SGCZ: variants seen among roughly 807,000 people sequenced by gnomAD.
SGCZ encodes zeta-sarcoglycan.
SGCZ carries 40 observed loss-of-function variants against 41.3 expected under a neutral mutation model. The ratio of observed to expected loss-of-function variants is 0.97; its 90% CI spans 0.75 to 1.26. SGCZ has a LOEUF of 1.26. SGCZ is among the 50% of genes most tolerant of loss of function. The pLI, the probability that SGCZ is intolerant of heterozygous loss-of-function variation, is 0.00. For synonymous variants in SGCZ, 206 were observed against 137.5 expected (o/e 1.50, Z -3.49); for missense variants, 552 against 369.8 (o/e 1.49, Z -4.04).
intron 1 of SGCZ, among the ~76,000 whole-genome samples, chr8:14,590,813 T>C (rs891769419): frequency 6.7e-6 from 1 of 148,166 alleles, no homozygotes; most frequent in African/African-American, 2.4e-5. Flanking sequence ...GAATATATGA[T>C]ATATAATATA....
intron 1 of SGCZ, among the ~76,000 whole-genome samples, chr8:15,031,057 C>A (rs1483423882): frequency 6.6e-6 from 1 of 151,948 alleles, no homozygotes; most frequent in Admixed American, 6.6e-5. Flanking sequence ...ATTCTCAAAT[C>A]ATATTTCGCG....
At chr8:14,326,056 G>A (rs1198112038) in intron 2 of SGCZ, among the ~76,000 whole-genome samples, 2 of 120,660 alleles carry the variant, frequency 1.7e-5, no homozygotes, top group East Asian at 5.8e-4. Context: ...AGCCACAAAT[G>A]AGCCGAGATC....
At chr8:15,104,549 C>A (rs1806744002) in intron 1 of SGCZ, among the ~76,000 whole-genome samples, 1 of 152,188 alleles carries the variant, frequency 6.6e-6, no homozygotes, top group African/African-American at 2.4e-5. Flanking sequence ...CACTTCCAGT[C>A]ATCAGAAATA....
intron 1 of SGCZ, among the ~76,000 whole-genome samples, chr8:14,718,540 T>C (rs1809773244): frequency 6.6e-6 from 1 of 152,092 alleles, no homozygotes; most frequent in Non-Finnish European, 1.5e-5. Flanking sequence ...AATCCTCAAC[T>C]AATGGCTGTG....
intron 5 of SGCZ, among the ~76,000 whole-genome samples, chr8:14,133,928 T>C (rs956210009): frequency 6.6e-6 from 1 of 152,214 alleles, no homozygotes; most frequent in African/African-American, 2.4e-5. Flanking sequence ...TTAGGTACTA[T>C]GCCACCAGAA....
chr8:14,837,715 C>A lies in SGCZ; in HGVS notation c.40-282789G>T, dbSNP rs550916128. 1.6e-4 allele frequency among the ~76,000 whole-genome samples: 25 copies of A among 152,078 alleles called. No individual in the cohort carries two copies. In the South Asian group the frequency reaches 5.2e-3, roughly 32 times the overall value. Reference sequence around the variant, plus strand: ...ACTTATTTATATATTTTTTAAATTTCTGTATATTACAATGGGATGGGTTTT... The same window carrying A: ...ACTTATTTATATATTTTTTAAATTTATGTATATTACAATGGGATGGGTTTT... On this transcript the variant is annotated intron_variant, in intron 1 of 7. Coordinates refer to ENST00000382080, the MANE Select transcript of SGCZ (RefSeq NM_139167.4).
At chr8:14,595,375 T>C (rs1050347428) in intron 1 of SGCZ, among the ~76,000 whole-genome samples, 2 of 150,448 alleles carry the variant, frequency 1.3e-5, no homozygotes, top group African/African-American at 4.9e-5. Flanking sequence ...TGTACTCACA[T>C]ATATATAAAT....
chr8:14,491,537 T>G (rs1276351478), intron 2 of SGCZ, among the ~76,000 whole-genome samples: 2 of 151,996 alleles, frequency 1.3e-5, no homozygotes, highest in African/African-American at 4.8e-5. Flanking sequence ...AAACAAGGAG[T>G]TACAAGATCC....
At chr8:14,232,131 T>G (rs1018607440) in intron 4 of SGCZ, among the ~76,000 whole-genome samples, 1 of 46,446 alleles carries the variant, frequency 2.2e-5, no homozygotes, top group Non-Finnish European at 3.9e-5. Flanking sequence ...CAAATCTTCT[T>G]TCATCATATA....
At chr8:15,128,843 T>C (rs116693602) in intron 1 of SGCZ, among the ~76,000 whole-genome samples, 1 of 152,296 alleles carries the variant, frequency 6.6e-6, no homozygotes, top group African/African-American at 2.4e-5. Context: ...CCCCTTAGAC[T>C]GCTGAACTTT....
chr8:14,327,214 G>C (rs1802153023), intron 2 of SGCZ, among the ~76,000 whole-genome samples: 1 of 152,200 alleles, frequency 6.6e-6, no homozygotes, highest in Non-Finnish European at 1.5e-5. Context: ...TGGAGATCTT[G>C]AAGTTCAGAG....
chr8:14,872,624 C>G (rs114811148), intron 1 of SGCZ, among the ~76,000 whole-genome samples: 4,314 of 152,112 alleles, frequency 0.028, 66 homozygotes, highest in Middle Eastern at 0.048. Context: ...CACAGTATGT[C>G]TATAAATACA....
intron 1 of SGCZ, among the ~76,000 whole-genome samples, chr8:15,034,018 T>C (rs1230448197): frequency 1.3e-5 from 2 of 152,158 alleles, no homozygotes; most frequent in African/African-American, 4.8e-5. Context: ...CTTCTTTAAA[T>C]GTACAGGCTT....
chr8:14,663,269 C>G (rs1563187229), intron 1 of SGCZ, among the ~76,000 whole-genome samples: 1 of 152,180 alleles, frequency 6.6e-6, no homozygotes, highest in Admixed American at 6.5e-5. Flanking sequence ...AAAAACCTAG[C>G]ACATTATTAG....
At chr8:14,814,402 C>T (rs1049176055) in intron 1 of SGCZ, among the ~76,000 whole-genome samples, 1 of 152,020 alleles carries the variant, frequency 6.6e-6, no homozygotes, top group Non-Finnish European at 1.5e-5. Flanking sequence ...GAGCTACATC[C>T]CCACTTGCAC....
chr8:15,036,546 T>C (rs114590597), intron 1 of SGCZ, among the ~76,000 whole-genome samples: 6,707 of 152,156 alleles, frequency 0.044, 255 homozygotes, highest in African/African-American at 0.092. Flanking sequence ...GTCCTACACG[T>C]GTACCCCGAA....
intron 3 of SGCZ, among the ~76,000 whole-genome samples, chr8:14,292,088 G>C (rs527911439): frequency 6.6e-6 from 1 of 152,012 alleles, no homozygotes; most frequent in Non-Finnish European, 1.5e-5. Flanking sequence ...GTGACAGGTA[G>C]ATATCAAAAT....
At chr8:14,103,959 A>G (rs1402114787) in intron 6 of SGCZ, among the ~76,000 whole-genome samples, 1 of 152,184 alleles carries the variant, frequency 6.6e-6, no homozygotes, top group Admixed American at 6.5e-5. Context: ...CAACCCTTCT[A>G]GAACTACGCA....
At chr8:14,214,974 T>A (rs868259655) in intron 4 of SGCZ, among the ~76,000 whole-genome samples, 2 of 152,070 alleles carry the variant, frequency 1.3e-5, no homozygotes, top group African/African-American at 4.8e-5. Context: ...GAAAGAAAAT[T>A]AGCAAGACAG....
Sources: gnomAD v4.1 joint callset for allele counts (sites outside exome capture counted in the v4.1 genomes callset) on GRCh38, gnomAD v4.1.1 for gene constraint, MANE v1.5 for transcripts, NCBI Gene and HGNC (gene_info 2026-07-23, HGNC 2026-07-21) for gene names.